Variants in MINDY2 observed in about 807,000 individuals in gnomAD.
MINDY2 encodes ubiquitin carboxyl-terminal hydrolase MINDY-2.
Under a neutral mutation model 68.2 loss-of-function variants are expected in MINDY2, and 52 were observed. The ratio of observed to expected loss-of-function variants is 0.76; its 90% CI spans 0.61 to 0.96. The LOEUF (loss-of-function observed/expected upper bound fraction) is 0.96. Ranked by LOEUF, MINDY2 falls within the 40% of genes least tolerant of loss-of-function variation. MINDY2 has a pLI of 0.00. For missense variants in MINDY2, 881 were observed against 773.4 expected, an observed-to-expected ratio of 1.14 and a Z score of -1.65; for synonymous variants, 372 against 303.0, an observed-to-expected ratio of 1.23 and a Z score of -2.36.
chr15:58,832,345 G>A (rs1244771784), intron 6 of MINDY2, among the ~76,000 whole-genome samples: 1 of 149,576 alleles, frequency 6.7e-6, no homozygotes, highest in Non-Finnish European at 1.5e-5. Flanking sequence ...TCCTACCTCA[G>A]CTTCCCGAGT....
chr15:58,821,464 G>T (rs145337947), intron 4 of MINDY2, among the ~76,000 whole-genome samples: 2 of 152,072 alleles, frequency 1.3e-5, no homozygotes, highest in Non-Finnish European at 2.9e-5. Flanking sequence ...AAAGTTGCAT[G>T]TAATAATCCC....
chr15:58,781,739 C>G (rs1347166083), intron 1 of MINDY2, among the ~76,000 whole-genome samples: 1 of 151,942 alleles, frequency 6.6e-6, no homozygotes, highest in East Asian at 1.9e-4. Flanking sequence ...GCTGTCTCTA[C>G]TAAAAATGCA....
At chr15:58,808,850 C>T (rs903633548) in intron 3 of MINDY2, among the ~76,000 whole-genome samples, 10 of 152,252 alleles carry the variant, frequency 6.6e-5, no homozygotes, top group African/African-American at 1.4e-4. Flanking sequence ...GTGATCCACC[C>T]GCCTCAGCCT....
Position 58,831,693 on chromosome 15 carries a change from G to A in MINDY2, c.1226-81G>A. The stretch of plus-strand genomic sequence containing the variant: ...AATTATTGGCCTTTTTCCATACTTG[G>A]AACACACTTTAAATAGAAAAAGAAT... On this transcript the variant is annotated intron_variant, in intron 5 of 8. Coordinates refer to ENST00000559228, the MANE Select transcript of MINDY2 (RefSeq NM_001040450.3). The A allele has an allele frequency of 2.3e-6, 3 of 1,304,778 alleles. No individual in the cohort carries two copies. In the South Asian group the frequency reaches 4.4e-5, roughly 19 times the overall value. The allele number at this position is 1,304,778 out of a possible 1,614,324, so 80.8% of individuals were successfully genotyped here.
At chr15:58,791,650 GTGTGTGTGTGTA>G (rs1388403777) in intron 2 of MINDY2, among the ~76,000 whole-genome samples, 1,649 of 147,158 alleles carry the variant, frequency 0.011, 25 homozygotes, top group African/African-American at 0.041. Flanking sequence ...GTGTGTGTGT[GTGTGTGTGTGTA>G]TGTGTGTGTG....
intron 8 of MINDY2, among the ~76,000 whole-genome samples, chr15:58,852,975 C>G (rs1298963109): frequency 1.7e-5 from 1 of 58,638 alleles, no homozygotes; most frequent in Admixed American, 2.9e-4. Flanking sequence ...TTTTTTAAGA[C>G]AGAGTCTCAC....
chr15:58,853,294 T>A (rs1016978871), intron 8 of MINDY2, among the ~76,000 whole-genome samples: 7 of 151,996 alleles, frequency 4.6e-5, no homozygotes, highest in Non-Finnish European at 8.8e-5. Context: ...AAATTCTGAT[T>A]TGGGCATACA....
At chr15:58,827,678 T>G (rs190135343) in intron 5 of MINDY2, among the ~76,000 whole-genome samples, 323 of 152,198 alleles carry the variant, frequency 2.1e-3, no homozygotes, top group African/African-American at 7.7e-3. Flanking sequence ...GGTCTCGATC[T>G]CCTGACCTCG....
intron 5 of MINDY2, among the ~76,000 whole-genome samples, chr15:58,823,007 A>G (rs1247829718): frequency 6.6e-6 from 1 of 152,190 alleles, no homozygotes; most frequent in Non-Finnish European, 1.5e-5. Flanking sequence ...CATGAATTCC[A>G]TCTATATTAA....
intron 2 of MINDY2, among the ~76,000 whole-genome samples, chr15:58,796,932 C>G (rs1191527423): frequency 1.3e-5 from 2 of 152,170 alleles, no homozygotes; most frequent in African/African-American, 2.4e-5. Flanking sequence ...TTTCCTTGTT[C>G]TCAGATGGAA....
At chr15:58,775,228 T>C (rs1316439554) in intron 1 of MINDY2, among the ~76,000 whole-genome samples, 1 of 152,248 alleles carries the variant, frequency 6.6e-6, no homozygotes, top group African/African-American at 2.4e-5. Flanking sequence ...TTCTCAATTT[T>C]AATTTATAAT....
At chr15:58,813,135 C>G (rs762863290) in intron 4 of MINDY2, among the ~76,000 whole-genome samples, 2 of 152,168 alleles carry the variant, frequency 1.3e-5, no homozygotes, top group African/African-American at 4.8e-5. Flanking sequence ...GTAGTTTGCT[C>G]CTGTTCATTA....
intron 2 of MINDY2, chr15:58,796,028 A>T (rs1567046772): frequency 2.2e-6 from 1 of 451,792 alleles, no homozygotes; most frequent in Non-Finnish European, 4.5e-6. Flanking sequence ...GGTTATTGTG[A>T]CCTTCATCAA....
chr15:58,849,829 C>T (rs1384154395), intron 7 of MINDY2, among the ~76,000 whole-genome samples: 2 of 152,116 alleles, frequency 1.3e-5, no homozygotes, highest in African/African-American at 2.4e-5. Flanking sequence ...GCAACCTCCA[C>T]CTCCCAGGCT....
At chr15:58,772,313 T>C in intron 1 of MINDY2, 78 bp downstream of exon 1, 1 of 1,572,612 alleles carries the variant, frequency 6.4e-7, no homozygotes, top group Non-Finnish European at 8.6e-7. Context: ...GCATGTCAGG[T>C]GATGGCTTCC....
chr15:58,854,215 G>A (rs1431160536), intron 8 of MINDY2, among the ~76,000 whole-genome samples: 1 of 151,178 alleles, frequency 6.6e-6, no homozygotes, highest in East Asian at 1.9e-4. Context: ...TTGCACTCCA[G>A]CCTGGGCGAC....
Position 58,847,298 on chromosome 15 carries a change from GT to G in MINDY2, c.1371del (p.Gln458AsnfsTer6). 6.4e-7 allele frequency: 1 copy of G among 1,562,064 alleles called. No homozygotes were observed. Among genetic ancestry groups the G allele is most frequent in the Non-Finnish European group, 8.7e-7 (1 of 1,143,780 alleles). On this transcript the variant is annotated frameshift_variant and splice_region_variant, in exon 7 of 9. Coordinates refer to ENST00000559228, the MANE Select transcript of MINDY2 (RefSeq NM_001040450.3). LOFTEE classifies it high-confidence loss of function. ...NHFSTMTKYKGQLYLLVTDQG... is the reference protein window; with the variant it reads ...NHFSTMTKYKXQLYLLVTDQG... Reference sequence around the variant, plus strand: ...TTTCTTTTGTTACTTCTTATTAAGGGTCAACTGTATTTGTTGGTAACGGACC... The same window carrying G: ...TTTCTTTTGTTACTTCTTATTAAGGGCAACTGTATTTGTTGGTAACGGACC...
chr15:58,827,108 G>A lies in MINDY2; in HGVS notation c.1226-4666G>A, dbSNP rs574792415. 3.9e-5 allele frequency among the ~76,000 whole-genome samples: 6 copies of A among 152,274 alleles called. No homozygotes were observed. In the East Asian group the frequency reaches 9.6e-4, roughly 24 times the overall value. On this transcript the variant is annotated intron_variant, in intron 5 of 8. Transcript: ENST00000559228. ...TAGGTGACATTGTGTCTTTCCCAGTGCATCAAATCGGGGGCACATGAGCCT... is the reference window on the plus strand; with the variant it reads ...TAGGTGACATTGTGTCTTTCCCAGTACATCAAATCGGGGGCACATGAGCCT...
intron 5 of MINDY2, among the ~76,000 whole-genome samples, chr15:58,829,770 A>G (rs1001460058): frequency 5.9e-5 from 9 of 152,190 alleles, no homozygotes; most frequent in African/African-American, 1.9e-4. Flanking sequence ...TAGTTTTTGT[A>G]CTTCTATCAT....
Sources: allele counts gnomAD v4.1 joint callset (sites outside exome capture counted in the v4.1 genomes callset), GRCh38; gene constraint gnomAD v4.1.1; transcripts MANE v1.5; gene names NCBI Gene and HGNC (gene_info 2026-07-23, HGNC 2026-07-21).